SYNDIG1: variants seen among roughly 807,000 people sequenced by gnomAD.
SYNDIG1 encodes the protein synapse differentiation inducing 1, also known as synapse differentiation-inducing gene protein 1.
A neutral mutation model predicts 19.4 loss-of-function variants in SYNDIG1; 9 were observed. The observed-to-expected ratio is 0.46, with a 90% confidence interval of 0.28 to 0.81. The LOEUF (loss-of-function observed/expected upper bound fraction) is 0.81, where lower values mean the gene tolerates loss of function less well. Ranked by LOEUF, SYNDIG1 falls within the 30% of genes least tolerant of loss-of-function variation. The pLI is 0.12. For synonymous variants in SYNDIG1, 141 were observed against 145.9 expected (o/e 0.97, Z 0.24); for missense variants, 311 against 343.3 (o/e 0.91, Z 0.74).
intron 2 of SYNDIG1, among the ~76,000 whole-genome samples, chr20:24,567,253 C>T (rs2058062594): frequency 6.6e-6 from 1 of 152,190 alleles, no homozygotes; most frequent in African/African-American, 2.4e-5. Context: ...CAGTTCAAAT[C>T]CCAGGTTCCA....
intron 3 of SYNDIG1, among the ~76,000 whole-genome samples, chr20:24,645,492 G>A (rs372621465): frequency 3.3e-5 from 5 of 152,364 alleles, no homozygotes; most frequent in Admixed American, 2.0e-4. Context: ...GCTCAGCAAG[G>A]AAAACTGGCA....
At chr20:24,643,675 C>T (rs1005288424) in intron 3 of SYNDIG1, among the ~76,000 whole-genome samples, 1 of 152,242 alleles carries the variant, frequency 6.6e-6, no homozygotes, top group Non-Finnish European at 1.5e-5. Context: ...CTCCTGGCAT[C>T]CCCTGACTTC....
chr20:24,501,311 C>G (rs1366714190), intron 1 of SYNDIG1, among the ~76,000 whole-genome samples: 3 of 152,212 alleles, frequency 2.0e-5, no homozygotes, highest in African/African-American at 7.2e-5. Flanking sequence ...CTGTAGCTTC[C>G]ATATCCTCTG....
chr20:24,665,793 G>T lies in SYNDIG1; in HGVS notation c.*289G>T, dbSNP rs985377882. 11 of 427,170 alleles carry T rather than the reference G, an allele frequency of 2.6e-5. No homozygotes were observed. The allele number at this position is 427,170 out of a possible 1,614,324, so 26.5% of individuals were successfully genotyped here. Reference sequence around the variant, plus strand: ...GATTCTGGTGGATGAATGGCAACGCGGCTCTCTGCAGCCTGCCAGTGCCCA... The same window carrying T: ...GATTCTGGTGGATGAATGGCAACGCTGCTCTCTGCAGCCTGCCAGTGCCCA... On this transcript the variant is annotated 3_prime_UTR_variant, in exon 4 of 4. Transcript: ENST00000376862.
chr20:24,569,499 G>T (rs1206284938), intron 2 of SYNDIG1, among the ~76,000 whole-genome samples: 1 of 152,172 alleles, frequency 6.6e-6, no homozygotes, highest in East Asian at 1.9e-4. Flanking sequence ...CCCACCCCAA[G>T]GACATTGGTG....
At chr20:24,620,971 C>T (rs963680166) in intron 3 of SYNDIG1, among the ~76,000 whole-genome samples, 2 of 152,068 alleles carry the variant, frequency 1.3e-5, no homozygotes, top group African/African-American at 4.8e-5. Flanking sequence ...CTCAGGTGCC[C>T]GTTGGCATAC....
Position 24,543,146 on chromosome 20 carries a change from A to G in SYNDIG1, c.49A>G (p.Ser17Gly), listed in dbSNP as rs2057498887. Residue 17 changes from serine (S) to glycine (G), a missense_variant, in exon 2 of 4, where the codon AGT (serine) becomes GGT (glycine). Ser to Gly is a moderately conservative substitution (Grantham distance 56). Coordinates refer to ENST00000376862, the MANE Select transcript of SYNDIG1 (RefSeq NM_024893.3). The part of the protein sequence containing the change: ...QKSMLVHSKI[S>G]DAGKRNGLIN... Reference sequence around the variant, plus strand: ...GAGCATGCTGGTGCACAGTAAAATCAGTGATGCTGGCAAGAGGAATGGTTT... The same window carrying G: ...GAGCATGCTGGTGCACAGTAAAATCGGTGATGCTGGCAAGAGGAATGGTTT... 6.2e-7 allele frequency: 1 copy of G among 1,614,060 alleles called. No homozygotes were observed. Among genetic ancestry groups the G allele is most frequent in the Non-Finnish European group, 8.5e-7 (1 of 1,180,048 alleles).
chr20:24,598,016 T>C (rs2058622765), intron 3 of SYNDIG1, among the ~76,000 whole-genome samples: 1 of 152,224 alleles, frequency 6.6e-6, no homozygotes, highest in African/African-American at 2.4e-5. Flanking sequence ...CAACCTGTGT[T>C]AGCCAAATTG....
chr20:24,549,514 C>T (rs8119329), intron 2 of SYNDIG1, among the ~76,000 whole-genome samples: 3,699 of 152,184 alleles, frequency 0.024, 106 homozygotes, highest in African/African-American at 0.065. Context: ...AAACCCCTTG[C>T]AGGACTGGAG....
chr20:24,639,546 C>T (rs1174651876), intron 3 of SYNDIG1, among the ~76,000 whole-genome samples: 1 of 152,196 alleles, frequency 6.6e-6, no homozygotes, highest in African/African-American at 2.4e-5. Flanking sequence ...GACACTGCCA[C>T]CACCCTAGCT....
chr20:24,517,753 G>T (rs2056915685), intron 1 of SYNDIG1, among the ~76,000 whole-genome samples: 1 of 143,994 alleles, frequency 6.9e-6, no homozygotes, highest in Non-Finnish European at 1.5e-5. Context: ...GTATGTGTGT[G>T]TGTGTGTATA....
chr20:24,621,194 G>C (rs2059032892), intron 3 of SYNDIG1, among the ~76,000 whole-genome samples: 1 of 152,224 alleles, frequency 6.6e-6, no homozygotes, highest in South Asian at 2.1e-4. Context: ...AATAGAAACT[G>C]TCTCAACAAA....
At chr20:24,507,291 G>A (rs1289247894) in intron 1 of SYNDIG1, among the ~76,000 whole-genome samples, 1 of 152,254 alleles carries the variant, frequency 6.6e-6, no homozygotes, top group Non-Finnish European at 1.5e-5. Context: ...ATGCTGCCAG[G>A]GCTTGCCCAG....
At chr20:24,590,135 C>A (rs185855821) in intron 3 of SYNDIG1, among the ~76,000 whole-genome samples, 81 of 152,300 alleles carry the variant, frequency 5.3e-4, no homozygotes, top group African/African-American at 1.8e-3. Flanking sequence ...ACAGGGTGGC[C>A]GTGGCGGGGC....
At chr20:24,615,648 G>C (rs573041683) in intron 3 of SYNDIG1, among the ~76,000 whole-genome samples, 10 of 152,210 alleles carry the variant, frequency 6.6e-5, no homozygotes, top group Admixed American at 3.9e-4. Context: ...TTTTCAGAGG[G>C]GACACACACA....
intron 3 of SYNDIG1, among the ~76,000 whole-genome samples, chr20:24,651,255 C>A (rs1173573703): frequency 6.6e-6 from 1 of 152,170 alleles, no homozygotes; most frequent in African/African-American, 2.4e-5. Context: ...CTTACCAGGG[C>A]CATTCCCCAA....
At chr20:24,639,498 C>T (rs1457551205) in intron 3 of SYNDIG1, among the ~76,000 whole-genome samples, 2 of 152,228 alleles carry the variant, frequency 1.3e-5, no homozygotes. Context: ...AGACAGCCTG[C>T]TGTCCCTGCC....
intron 3 of SYNDIG1, among the ~76,000 whole-genome samples, chr20:24,593,653 C>T (rs2058549494): frequency 1.3e-5 from 2 of 152,160 alleles, no homozygotes; most frequent in African/African-American, 4.8e-5. Flanking sequence ...ACACTTCCAC[C>T]AGCAGTGTAA....
intron 1 of SYNDIG1, among the ~76,000 whole-genome samples, chr20:24,474,753 A>G (rs1262990014): frequency 6.6e-6 from 1 of 152,242 alleles, no homozygotes; most frequent in Non-Finnish European, 1.5e-5. Context: ...TCTATTTTGA[A>G]CAATTCTTAG....
Sources: gnomAD v4.1 joint callset for allele counts (sites outside exome capture counted in the v4.1 genomes callset) on GRCh38, gnomAD v4.1.1 for gene constraint, MANE v1.5 for transcripts, NCBI Gene and HGNC (gene_info 2026-07-23, HGNC 2026-07-21) for gene names.